The following GABRR1 variants were observed in gnomAD, a reference collection of about 807,000 sequenced individuals.
GABRR1 encodes the protein gamma-aminobutyric acid receptor subunit rho-1.
GABRR1 carries 59 observed loss-of-function variants against 55.5 expected under a neutral mutation model. The observed-to-expected ratio is 1.06, with a 90% CI of 0.86 to 1.32. The LOEUF is 1.32. Ranked by LOEUF, GABRR1 falls within the 40% of genes most tolerant of loss-of-function variation. GABRR1 has a pLI of 0.00. For missense variants in GABRR1, 602 were observed against 619.1 expected, an observed-to-expected ratio of 0.97 and a Z score of 0.29; for synonymous variants, 213 against 226.0, an observed-to-expected ratio of 0.94 and a Z score of 0.51.
At chr6:89,202,867 C>G (rs1202737542) in intron 2 of GABRR1, among the ~76,000 whole-genome samples, 1 of 152,006 alleles carries the variant, frequency 6.6e-6, no homozygotes, top group Admixed American at 6.6e-5. Context: ...GTACATGCAA[C>G]TGAGTCCAGT....
chr6:89,228,783 G>A (rs1191146830), intron 1 of GABRR1, among the ~76,000 whole-genome samples: 6 of 151,744 alleles, frequency 4.0e-5, no homozygotes, highest in South Asian at 2.1e-4. Context: ...TATTAGGTCC[G>A]CTTAGTGCAG....
At chr6:89,199,769 G>T (rs1311079159) in intron 3 of GABRR1, among the ~76,000 whole-genome samples, 1 of 152,154 alleles carries the variant, frequency 6.6e-6, no homozygotes, top group Non-Finnish European at 1.5e-5. Context: ...TTCTGGTGTT[G>T]CACCCTCTTT....
intron 1 of GABRR1, among the ~76,000 whole-genome samples, chr6:89,207,320 G>C (rs1453390637): frequency 6.6e-6 from 1 of 152,012 alleles, no homozygotes; most frequent in African/African-American, 2.4e-5. Context: ...TCAGCTTCCT[G>C]AGTAGCTGGG....
chr6:89,182,591 G>T (rs1771762894), intron 7 of GABRR1, among the ~76,000 whole-genome samples: 2 of 152,068 alleles, frequency 1.3e-5, no homozygotes, highest in African/African-American at 4.8e-5. Flanking sequence ...TCACGCCTGG[G>T]TCATTTAAAC....
intron 1 of GABRR1, among the ~76,000 whole-genome samples, chr6:89,205,001 A>G (rs1772598642): frequency 6.6e-6 from 1 of 152,190 alleles, no homozygotes; most frequent in South Asian, 2.1e-4. Flanking sequence ...TAATCTTGAA[A>G]TGATGTATCA....
At chr6:89,203,325 C>A in intron 2 of GABRR1, 110 bp downstream of exon 2, 1 of 1,008,584 alleles carries the variant, frequency 9.9e-7, no homozygotes. Flanking sequence ...CCACCCTCCA[C>A]TTTCTGATCC....
chr6:89,230,425 G>A (rs1355481981), intron 1 of GABRR1, among the ~76,000 whole-genome samples: 1 of 145,330 alleles, frequency 6.9e-6, no homozygotes, highest in Non-Finnish European at 1.5e-5. Context: ...TGATGGTGAT[G>A]TACAGATGGG....
intron 1 of GABRR1, among the ~76,000 whole-genome samples, chr6:89,207,967 T>C (rs539233192): frequency 1.3e-5 from 2 of 152,358 alleles, no homozygotes; most frequent in East Asian, 3.9e-4. Flanking sequence ...TCTCCAGGTC[T>C]GTTTCCTCAG....
rs1453379449 is a variant in GABRR1, at chr6:89,190,249, T to C, written c.573-2A>G. 6.3e-7 allele frequency: 1 copy of C among 1,598,136 alleles called. No individual in the cohort carries two copies. The highest frequency in any genetic ancestry group is 1.7e-4 in the Middle Eastern group (1 of 6,014). ...TTGCACATTGCAGTTACTGTAACCC[T>C]AGGGCCAAAAAGACAAAATTGATTT... On this transcript the variant is annotated splice_acceptor_variant, in intron 5 of 9. Transcript: ENST00000454853. LOFTEE classifies it high-confidence loss of function.
intron 1 of GABRR1, among the ~76,000 whole-genome samples, chr6:89,213,408 G>A (rs1772887534): frequency 6.6e-6 from 1 of 152,208 alleles, no homozygotes; most frequent in Non-Finnish European, 1.5e-5. Context: ...TATAAGTTGG[G>A]TTGACGTAAC....
intron 3 of GABRR1, among the ~76,000 whole-genome samples, chr6:89,200,141 G>A (rs1455187344): frequency 2.0e-5 from 3 of 151,996 alleles, no homozygotes; most frequent in Non-Finnish European, 4.4e-5. Flanking sequence ...AACAATGGTG[G>A]ATTGGGGACT....
At chr6:89,199,971 T>G (rs916601144) in intron 3 of GABRR1, among the ~76,000 whole-genome samples, 2 of 152,166 alleles carry the variant, frequency 1.3e-5, no homozygotes, top group African/African-American at 4.8e-5. Flanking sequence ...GATTTTTTGT[T>G]ATTTCTGGGC....
chr6:89,222,909 C>T (rs1347634893), intron 1 of GABRR1, among the ~76,000 whole-genome samples: 1 of 152,110 alleles, frequency 6.6e-6, no homozygotes, highest in Non-Finnish European at 1.5e-5. Flanking sequence ...AACTGTGGTG[C>T]CAAGGATCAA....
Position 89,212,846 on chromosome 6 carries a change from ACT to A in GABRR1, c.122+4353_122+4354del, listed in dbSNP as rs1241646708. Among the ~76,000 whole-genome samples the A allele has an allele frequency of 2.6e-5, 4 of 151,996 alleles. No homozygotes were observed. The South Asian group carries it at 8.3e-4, about 32-fold the overall frequency. ...ACCGTGGCCAGCTACATTTTTTTGT[ACT>A]GTTTATAGAAACAGGCTCTCATTTT... On this transcript the variant is annotated intron_variant, in intron 1 of 9. Transcript: ENST00000454853.
chr6:89,181,354 T>C (rs1771713102), intron 8 of GABRR1, among the ~76,000 whole-genome samples: 1 of 151,870 alleles, frequency 6.6e-6, no homozygotes, highest in African/African-American at 2.4e-5. Context: ...ATATTTAAGG[T>C]GAGAAAAAGA....
At chr6:89,184,975 T>C (rs925946627) in intron 7 of GABRR1, among the ~76,000 whole-genome samples, 2 of 148,756 alleles carry the variant, frequency 1.3e-5, no homozygotes, top group Admixed American at 6.8e-5. Context: ...AACCTCCGAC[T>C]CCAGGGCTCA....
At chr6:89,216,150 T>C (rs921984232) in intron 1 of GABRR1, among the ~76,000 whole-genome samples, 4 of 152,156 alleles carry the variant, frequency 2.6e-5, no homozygotes, top group Admixed American at 2.6e-4. Context: ...GTGATGTTGT[T>C]AAGAACAGCT....
rs201894109 is a variant in GABRR1, at chr6:89,198,176, T to C, written c.416A>G (p.Asn139Ser). The C allele has an allele frequency of 4.0e-5, 64 of 1,614,070 alleles. No homozygotes were observed. The East Asian group carries it at 1.4e-3, about 36-fold the overall frequency. Residue 139 changes from asparagine (N) to serine (S), a missense_variant, in exon 5 of 10, where the codon AAC (asparagine) becomes AGC (serine). By Grantham distance (46) the Asn-to-Ser change is conservative. Coordinates refer to ENST00000454853, the MANE Select transcript of GABRR1 (RefSeq NM_002042.5). The part of the protein sequence containing the change: ...KDERLSFPST[N>S]NLSMTFDGRL... Reference sequence around the variant, plus strand: ...GCCGTCAAACGTCATGCTGAGGTTGTTGGTGCTTGGAAAAGACAGCCTCTC... The same window carrying C: ...GCCGTCAAACGTCATGCTGAGGTTGCTGGTGCTTGGAAAAGACAGCCTCTC...
chr6:89,178,524 TCG>T lies in GABRR1; in HGVS notation c.*244_*245del. 1 of 500,790 alleles carries T rather than the reference TCG, an allele frequency of 2.0e-6. No homozygotes were observed. 31.0% of individuals were successfully genotyped at this position (500,790 alleles called of 1,614,324 possible). ...GGATCTGGGTAACAACTAACATCAG[TCG>T]CTACAGTGTCGTATTTCCTGCAGCA... is the stretch of plus-strand genomic sequence containing the variant. On this transcript the variant is annotated 3_prime_UTR_variant, in exon 10 of 10. Coordinates refer to ENST00000454853, the MANE Select transcript of GABRR1 (RefSeq NM_002042.5).
Sources: allele counts gnomAD v4.1 joint callset (sites outside exome capture counted in the v4.1 genomes callset), GRCh38; gene constraint gnomAD v4.1.1; transcripts MANE v1.5; gene names NCBI Gene and HGNC (gene_info 2026-07-23, HGNC 2026-07-21).